ZNF45: variants seen among roughly 807,000 people sequenced by gnomAD.
ZNF45 encodes the protein zinc finger protein 45.
ZNF45 carries 4 observed loss-of-function variants against 12.0 expected under a neutral mutation model. That is an observed-to-expected ratio of 0.33 (90% confidence interval 0.16 to 0.76). ZNF45 has a LOEUF of 0.76. Ranked by LOEUF, ZNF45 falls within the 30% of genes least tolerant of loss-of-function variation. The pLI, the probability that ZNF45 is intolerant of heterozygous loss-of-function variation, is 0.60. For missense variants in ZNF45, 700 were observed against 813.0 expected (o/e 0.86, Z 1.69); for synonymous variants, 272 against 279.6 (o/e 0.97, Z 0.27).
chr19:43,913,588 T>C lies in ZNF45; in HGVS notation c.1848A>G (p.Glu616=). 6.2e-7 allele frequency: 1 copy of C among 1,612,610 alleles called. No individual in the cohort carries two copies. Among genetic ancestry groups the C allele is most frequent in the Non-Finnish European group, 8.5e-7 (1 of 1,179,626 alleles). The change falls in exon 10 of 10, where the codon GAA becomes GAG. Residue 616 remains glutamate, a synonymous_variant. Transcript: ENST00000269973. ...HTGERPYKCE[E]CGKVFSWSSY... Reference sequence around the variant, plus strand: ...AGCTCCAGCTGAAGACTTTCCCACATTCCTCACATTTGTATGGTCTCTCTC... The same window carrying C: ...AGCTCCAGCTGAAGACTTTCCCACACTCCTCACATTTGTATGGTCTCTCTC...
Position 43,913,534 on chromosome 19 carries a change from G to A in ZNF45, c.1902C>T (p.His634=), listed in dbSNP as rs1471999699. The A allele has an allele frequency of 5.6e-6, 9 of 1,613,664 alleles. No homozygotes were observed. The highest frequency in any genetic ancestry group is 1.3e-5 in the African/African-American group (1 of 74,818). ...CACATTTGTATGGTTTTTCTCCGGTGTGAACTCTTTGATGGGCTTGAAGGT... is the reference window on the plus strand; with the variant it reads ...CACATTTGTATGGTTTTTCTCCGGTATGAACTCTTTGATGGGCTTGAAGGT... ...SSYLQAHQRV[H]TGEKPYKCEE... is the part of the protein sequence containing the mutation. Residue 634 remains histidine, a synonymous_variant, in exon 10 of 10, where the codon CAC becomes CAT. Transcript: ENST00000269973.
At chr19:43,927,402 C>A (rs1035446828) in intron 3 of ZNF45, among the ~76,000 whole-genome samples, 3 of 152,154 alleles carry the variant, frequency 2.0e-5, no homozygotes, top group Admixed American at 6.6e-5. Flanking sequence ...TTATTTATCA[C>A]CTGAACCATT....
At chr19:43,917,936 T>C (rs1972825724) in intron 9 of ZNF45, among the ~76,000 whole-genome samples, 1 of 152,198 alleles carries the variant, frequency 6.6e-6, no homozygotes, top group Admixed American at 6.5e-5. Flanking sequence ...AAAACTAAAA[T>C]CTACCTTCTT....
At chr19:43,916,665 T>C (rs920229691) in intron 9 of ZNF45, among the ~76,000 whole-genome samples, 2 of 152,224 alleles carry the variant, frequency 1.3e-5, no homozygotes, top group Non-Finnish European at 1.5e-5. Flanking sequence ...CAGTGTTCAA[T>C]AGATGTGTTG....
At chr19:43,926,892 A>G (rs115204883) in intron 3 of ZNF45, among the ~76,000 whole-genome samples, 83 of 152,346 alleles carry the variant, frequency 5.4e-4, no homozygotes, top group African/African-American at 1.9e-3. Context: ...ATGACGTTCA[A>G]GTCACAAAAT....
In ZNF45 at chr19:43,926,850, G is replaced by A. The variant is rs1249427396; in HGVS notation, c.-399-1392C>T. ...TGTGAAGACAAATAACAGGCAGAAA[G>A]AGATGGGCAGGAAGGCAGAATTCAA... On this transcript the variant is annotated intron_variant, in intron 3 of 9. Transcript: ENST00000269973. 3.3e-5 allele frequency among the ~76,000 whole-genome samples: 5 copies of A among 152,196 alleles called. No individual in the cohort carries two copies. The East Asian group carries it at 7.7e-4, about 23-fold the overall frequency.
chr19:43,914,898 G>T lies in ZNF45; in HGVS notation c.538C>A (p.Gln180Lys). ...VKSFSWSSHL[Q>K]INQRAHAGEK... Reference sequence around the variant, plus strand: ...CCTGCATGAGCCCTTTGGTTAATTTGAAGATGAGAGCTCCAGCTGAAACTT... The same window carrying T: ...CCTGCATGAGCCCTTTGGTTAATTTTAAGATGAGAGCTCCAGCTGAAACTT... Residue 180 changes from glutamine (Q) to lysine (K), a missense_variant, in exon 10 of 10, where the codon CAA (glutamine) becomes AAA (lysine). By Grantham distance (53) the Gln-to-Lys change is moderately conservative. Coordinates refer to ENST00000269973, the MANE Select transcript of ZNF45 (RefSeq NM_003425.4). 1 of 1,612,800 alleles carries T rather than the reference G, an allele frequency of 6.2e-7. No homozygotes were observed. Among genetic ancestry groups the T allele is most frequent in the Non-Finnish European group, 8.5e-7 (1 of 1,178,822 alleles).
Position 43,913,124 on chromosome 19 carries a change from G to T in ZNF45, c.*263C>A. 1 of 349,750 alleles carries T rather than the reference G, an allele frequency of 2.9e-6. No homozygotes were observed. The highest frequency in any genetic ancestry group is 5.2e-6 in the Non-Finnish European group (1 of 193,046). 21.7% of individuals were successfully genotyped at this position (349,750 alleles called of 1,614,324 possible). ...CCCTCTTGGATCTTATATTCTAGTG[G>T]AACAGAATTCAGCATTTCTATCTTA... On this transcript the variant is annotated 3_prime_UTR_variant, in exon 10 of 10. Transcript: ENST00000269973.
intron 7 of ZNF45, among the ~76,000 whole-genome samples, chr19:43,921,403 G>A (rs555718357): frequency 1.3e-5 from 2 of 152,052 alleles, no homozygotes; most frequent in Non-Finnish European, 2.9e-5. Flanking sequence ...AAAAGAATAC[G>A]GATCAGTAAG....
Position 43,913,716 on chromosome 19 carries a change from G to A in ZNF45, c.1720C>T (p.His574Tyr), listed in dbSNP as rs773126036. 11 of 1,613,828 alleles carry A rather than the reference G, an allele frequency of 6.8e-6. No individual in the cohort carries two copies. The highest frequency in any genetic ancestry group is 3.3e-5 in the Admixed American group (2 of 59,994). ...TTTTCTCCTGTGTGGACTCCACGATGTGCCAGAAAATTGGAGGCCCGACAG... is the reference window on the plus strand; with the variant it reads ...TTTTCTCCTGTGTGGACTCCACGATATGCCAGAAAATTGGAGGCCCGACAG... ...GFCRASNFLA[H>Y]RGVHTGEKPY... The change falls in exon 10 of 10, where the codon CAT becomes TAT. Residue 574 changes from histidine (H) to tyrosine (Y), a missense_variant. His to Tyr is a moderately conservative substitution (Grantham distance 83). Coordinates refer to ENST00000269973, the MANE Select transcript of ZNF45 (RefSeq NM_003425.4).
In ZNF45 at chr19:43,913,604, G is replaced by T; in HGVS notation, c.1832C>A (p.Pro611Gln). 6.2e-7 allele frequency: 1 copy of T among 1,614,084 alleles called. No homozygotes were observed. Among genetic ancestry groups the T allele is most frequent in the Non-Finnish European group, 8.5e-7 (1 of 1,180,006 alleles). ...TTTCCCACATTCCTCACATTTGTAT[G>T]GTCTCTCTCCTGTGTGGACCCTCTG... ...AHQRVHTGERPYKCEECGKVF... is the reference protein window; with the variant it reads ...AHQRVHTGERQYKCEECGKVF... Residue 611 changes from proline (P) to glutamine (Q), a missense_variant, in exon 10 of 10, where the codon CCA becomes CAA. Coordinates refer to ENST00000269973, the MANE Select transcript of ZNF45 (RefSeq NM_003425.4).
chr19:43,933,252 C>G (rs1193730218), intron 2 of ZNF45, among the ~76,000 whole-genome samples: 2 of 152,124 alleles, frequency 1.3e-5, no homozygotes, highest in African/African-American at 4.8e-5. Context: ...GGGCGGATCA[C>G]TTGAGGTCGA....
At chr19:43,923,423 GTTA>G (rs912732709) in intron 6 of ZNF45, among the ~76,000 whole-genome samples, 5 of 152,054 alleles carry the variant, frequency 3.3e-5, no homozygotes, top group African/African-American at 4.8e-5. Flanking sequence ...TTTATTATAA[GTTA>G]TTGTTGTTAG....
intron 9 of ZNF45, 108 bp downstream of exon 9, chr19:43,918,762 G>T: frequency 1.2e-6 from 1 of 842,066 alleles, no homozygotes; most frequent in Non-Finnish European, 1.9e-6. Flanking sequence ...TCATCAGGGG[G>T]AAAAAAACTG....
At position 43,934,619 on chromosome 19, in the gene ZNF45, T is replaced by G. The variant is rs566120395; in HGVS notation, c.-680A>C. 2.6e-5 allele frequency: 4 copies of G among 152,198 alleles called. No homozygotes were observed. The highest frequency in any genetic ancestry group is 7.2e-5 in the African/African-American group (3 of 41,538). 9.4% of individuals were successfully genotyped at this position (152,198 alleles called of 1,614,324 possible). A position where few individuals can be genotyped will look rare whatever the true frequency, so the allele number is the denominator to read the frequency against. On this transcript the variant is annotated 5_prime_UTR_variant, in exon 2 of 10. Coordinates refer to ENST00000269973, the MANE Select transcript of ZNF45 (RefSeq NM_003425.4). ...TCCTGGAAAATCCACAGAGGATAAC[T>G]CCAGACGCCACCTGTTGAGTGATGC...
intron 9 of ZNF45, among the ~76,000 whole-genome samples, chr19:43,915,589 G>C (rs1972586397): frequency 6.6e-6 from 1 of 152,210 alleles, no homozygotes; most frequent in South Asian, 2.1e-4. Flanking sequence ...GAGGTGAGCG[G>C]GAGGCCAGTG....
At position 43,914,431 on chromosome 19, in the gene ZNF45, A is replaced by G. The variant is rs775343937; in HGVS notation, c.1005T>C (p.Asn335=). The change falls in exon 10 of 10, where the codon AAT becomes AAC. Residue 335 remains asparagine, a synonymous_variant. Transcript: ENST00000269973. The part of the protein sequence containing the change: ...IHTGEKPYKC[N]ACGKSFSYSS... ...TGTAACTAAAGCTCTTGCCACATGCATTGCATTTGTATGGTTTCTCGCCAG... is the reference window on the plus strand; with the variant it reads ...TGTAACTAAAGCTCTTGCCACATGCGTTGCATTTGTATGGTTTCTCGCCAG... 6.2e-7 allele frequency: 1 copy of G among 1,609,624 alleles called. No homozygotes were observed. The highest frequency in any genetic ancestry group is 8.5e-7 in the Non-Finnish European group (1 of 1,177,452).
intron 9 of ZNF45, among the ~76,000 whole-genome samples, chr19:43,918,161 A>G (rs1289578888): frequency 6.6e-6 from 1 of 152,174 alleles, no homozygotes; most frequent in Non-Finnish European, 1.5e-5. Context: ...TTCTCTAAAC[A>G]TTGTTTTTTC....
chr19:43,931,235 T>G (rs1205669601), intron 3 of ZNF45: 1 of 152,154 alleles, frequency 6.6e-6, no homozygotes, highest in South Asian at 2.1e-4. Context: ...AAAAGAATAC[T>G]TAAAAATATA....
Sources: gnomAD v4.1 joint callset for allele counts (sites outside exome capture counted in the v4.1 genomes callset) on GRCh38, gnomAD v4.1.1 for gene constraint, MANE v1.5 for transcripts, NCBI Gene and HGNC (gene_info 2026-07-23, HGNC 2026-07-21) for gene names.